The following SLC7A8 variants were observed in gnomAD, a reference collection of about 807,000 sequenced individuals.
The protein encoded by SLC7A8 is large neutral amino acids transporter small subunit 2.
SLC7A8 carries 30 observed loss-of-function variants against 51.2 expected under a neutral mutation model. That is an observed-to-expected ratio of 0.59 (90% confidence interval 0.44 to 0.80). SLC7A8 has a LOEUF of 0.80. Ranked by LOEUF, SLC7A8 falls within the 30% of genes least tolerant of loss-of-function variation. The probability of loss-of-function intolerance (pLI) is 0.00; values close to 1 mark genes in which losing one functional copy is unlikely to be tolerated. For missense variants in SLC7A8, 612 were observed against 674.4 expected (o/e 0.91, Z 1.03); for synonymous variants, 257 against 275.8 (o/e 0.93, Z 0.67).
intron 7 of SLC7A8, among the ~76,000 whole-genome samples, chr14:23,132,352 T>C (rs2048645049): frequency 1.3e-5 from 2 of 151,630 alleles, no homozygotes; most frequent in African/African-American, 4.9e-5. Flanking sequence ...TTTGTGGGAG[T>C]AGGGAATTGG....
intron 3 of SLC7A8, among the ~76,000 whole-genome samples, chr14:23,146,358 G>T (rs1272363888): frequency 6.6e-6 from 1 of 152,128 alleles, no homozygotes; most frequent in East Asian, 1.9e-4. Flanking sequence ...GGGCAGAGCA[G>T]GACAACTCAA....
intron 3 of SLC7A8, among the ~76,000 whole-genome samples, chr14:23,161,222 A>C (rs1347855620): frequency 6.6e-6 from 1 of 151,216 alleles, no homozygotes; most frequent in Non-Finnish European, 1.5e-5. Context: ...ATTTCTCATC[A>C]GTTCTCCTCC....
rs565035931 is a variant in SLC7A8 at position 23,128,395 on chromosome 14, G to A, written c.1264-199C>T. The A allele has an allele frequency of 3.3e-6, 5 of 1,518,084 alleles. No individual in the cohort carries two copies. The highest frequency in any genetic ancestry group is 1.4e-5 in the African/African-American group (1 of 72,784). 94.0% of individuals were successfully genotyped at this position (1,518,084 alleles called of 1,614,324 possible). A position where few individuals can be genotyped will look rare whatever the true frequency, so the allele number is the denominator to read the frequency against. On this transcript the variant is annotated intron_variant, in intron 9 of 10. Coordinates refer to ENST00000316902, the MANE Select transcript of SLC7A8 (RefSeq NM_012244.4). This position sits in a 1 kb window ranked among gnomAD's most constrained non-coding sequence, Gnocchi z 4.3. ...TAAACAAATGTTGATGAACATGGTCGGTCAGACAGGAAGAGGATGGGGAGG... is the reference window on the plus strand; with the variant it reads ...TAAACAAATGTTGATGAACATGGTCAGTCAGACAGGAAGAGGATGGGGAGG...
chr14:23,161,491 TC>T (rs1689300945), intron 3 of SLC7A8, among the ~76,000 whole-genome samples: 1 of 23,932 alleles, frequency 4.2e-5, no homozygotes, highest in Non-Finnish European at 6.9e-4. Flanking sequence ...ACACCGGAAC[TC>T]TCTACTGCGT....
intron 7 of SLC7A8, among the ~76,000 whole-genome samples, chr14:23,132,267 G>A (rs980683338): frequency 2.0e-4 from 30 of 152,136 alleles, no homozygotes; most frequent in African/African-American, 4.6e-4. Flanking sequence ...CTCCCAAAGT[G>A]CTGGGACTAC....
intron 1 of SLC7A8, among the ~76,000 whole-genome samples, chr14:23,171,743 C>T (rs539479088): frequency 3.9e-5 from 6 of 152,282 alleles, no homozygotes; most frequent in South Asian, 2.1e-4. Context: ...AAGGGAACAG[C>T]GTGAAAGCAG....
chr14:23,169,658 C>T (rs1455850960), intron 1 of SLC7A8, among the ~76,000 whole-genome samples: 2 of 152,232 alleles, frequency 1.3e-5, no homozygotes, highest in East Asian at 3.9e-4. Flanking sequence ...CCACCCGCCT[C>T]GACCTCCCAA....
rs78887639 is a variant in SLC7A8, at chr14:23,158,015, G to A, written c.508+7270C>T. On this transcript the variant is annotated intron_variant, in intron 3 of 10. Coordinates refer to ENST00000316902, the MANE Select transcript of SLC7A8 (RefSeq NM_012244.4). ...ACGTATGACTGATTGTGTATTACCC[G>A]CGGCATCAATAGAGGACACACAGGT... Among the ~76,000 whole-genome samples, 388 of 152,214 alleles carry A rather than the reference G, an allele frequency of 2.5e-3. 1 individual carries two copies. The highest frequency in any genetic ancestry group is 8.7e-3 in the African/African-American group (363 of 41,534).
chr14:23,178,679 C>G (rs374493223), intron 1 of SLC7A8, among the ~76,000 whole-genome samples: 1 of 151,470 alleles, frequency 6.6e-6, no homozygotes, highest in Non-Finnish European at 1.5e-5. Context: ...CTTCGGGAGG[C>G]TGAGGCAGGA....
chr14:23,161,929 A>AG (rs1566370525), intron 3 of SLC7A8, among the ~76,000 whole-genome samples: 1 of 150,682 alleles, frequency 6.6e-6, no homozygotes, highest in Non-Finnish European at 1.5e-5. Flanking sequence ...TCCATCTAAA[A>AG]AAAAAAAAAA....
chr14:23,131,315 A>G, intron 8 of SLC7A8, 146 bp downstream of exon 8: 2 of 549,344 alleles, frequency 3.6e-6, no homozygotes, highest in Non-Finnish European at 6.2e-6. Flanking sequence ...GATGGGTATC[A>G]TTTGCCAGAT....
chr14:23,154,746 C>T (rs993399314), intron 3 of SLC7A8, among the ~76,000 whole-genome samples: 1 of 152,124 alleles, frequency 6.6e-6, no homozygotes, highest in Non-Finnish European at 1.5e-5. Context: ...CCAGAGAGGC[C>T]TGGAGGTGTG....
At chr14:23,136,848 G>A (rs1053109279) in intron 7 of SLC7A8, among the ~76,000 whole-genome samples, 3 of 152,226 alleles carry the variant, frequency 2.0e-5, no homozygotes, top group Non-Finnish European at 2.9e-5. Context: ...CGGGGCCTCC[G>A]TGTGGCCACT....
intron 3 of SLC7A8, among the ~76,000 whole-genome samples, chr14:23,154,962 TAAAA>T (rs201310696): frequency 2.9e-5 from 1 of 34,942 alleles, no homozygotes; most frequent in African/African-American, 6.5e-5. Context: ...AGAAAAACGT[TAAAA>T]AAAAAAAACC....
chr14:23,172,523 G>A (rs2048979967), intron 1 of SLC7A8, among the ~76,000 whole-genome samples: 1 of 152,176 alleles, frequency 6.6e-6, no homozygotes, highest in African/African-American at 2.4e-5. Context: ...GGGGTGGTGG[G>A]GGGCTGAGTG....
chr14:23,131,020 A>T (rs777808654), intron 8 of SLC7A8, among the ~76,000 whole-genome samples: 1 of 152,310 alleles, frequency 6.6e-6, no homozygotes, highest in South Asian at 2.1e-4. Context: ...CTTCATTTCA[A>T]TGATGTTTCC....
intron 1 of SLC7A8, among the ~76,000 whole-genome samples, chr14:23,169,181 T>G (rs528307766): frequency 2.6e-5 from 4 of 152,202 alleles, no homozygotes; most frequent in African/African-American, 7.2e-5. Context: ...AGATCCTATC[T>G]CTAACAAAAA....
intron 3 of SLC7A8, among the ~76,000 whole-genome samples, chr14:23,164,339 C>T (rs1377565154): frequency 6.6e-6 from 1 of 152,238 alleles, no homozygotes; most frequent in Non-Finnish European, 1.5e-5. Flanking sequence ...TTCCTAGGAG[C>T]AGCTGGGAGT....
At chr14:23,149,739 C>T (rs1446708552) in intron 3 of SLC7A8, among the ~76,000 whole-genome samples, 1 of 152,248 alleles carries the variant, frequency 6.6e-6, no homozygotes, top group African/African-American at 2.4e-5. Flanking sequence ...AATCAATATA[C>T]AGTCATGTGC....
Sources: allele counts gnomAD v4.1 joint callset (sites outside exome capture counted in the v4.1 genomes callset), GRCh38; gene constraint gnomAD v4.1.1; non-coding constraint Gnocchi (gnomAD v3.1); transcripts MANE v1.5; gene names NCBI Gene and HGNC (gene_info 2026-07-23, HGNC 2026-07-21).